Variants in UBE3D observed in about 807,000 individuals in gnomAD.
The protein encoded by UBE3D is ubiquitin protein ligase E3D.
A neutral mutation model predicts 49.6 loss-of-function variants in UBE3D; 48 were observed. That is an observed-to-expected ratio of 0.97 (90% confidence interval 0.77 to 1.23). The LOEUF (loss-of-function observed/expected upper bound fraction) is 1.23. UBE3D is among the 50% of genes most tolerant of loss of function. The pLI, the probability that UBE3D is intolerant of heterozygous loss-of-function variation, is 0.00. For synonymous variants in UBE3D, 189 were observed against 174.2 expected (o/e 1.08, Z -0.67); for missense variants, 452 against 468.4 (o/e 0.96, Z 0.32).
chr6:83,040,182 A>G (rs1001816438), intron 4 of UBE3D, among the ~76,000 whole-genome samples: 2 of 152,062 alleles, frequency 1.3e-5, no homozygotes, highest in Non-Finnish European at 2.9e-5. Flanking sequence ...CAGGAGTTTG[A>G]GACCAGCCTG....
intron 9 of UBE3D, among the ~76,000 whole-genome samples, chr6:82,919,922 T>C (rs1221913264): frequency 6.6e-6 from 1 of 152,102 alleles, no homozygotes; most frequent in African/African-American, 2.4e-5. Context: ...TGGGAAACAA[T>C]GTCACACAAG....
chr6:82,970,167 A>T (rs907984009), intron 8 of UBE3D, among the ~76,000 whole-genome samples: 2 of 149,796 alleles, frequency 1.3e-5, no homozygotes, highest in African/African-American at 2.4e-5. Context: ...AGAAAAATTG[A>T]TTATTTATTA....
chr6:83,053,969 G>C (rs1216764001), intron 3 of UBE3D, among the ~76,000 whole-genome samples, 179 bp downstream of exon 3: 7 of 152,122 alleles, frequency 4.6e-5, no homozygotes, highest in Non-Finnish European at 7.4e-5. Context: ...GTCCCTAAGA[G>C]CTAATCACTC....
At chr6:82,939,001 C>T (rs370478838) in intron 9 of UBE3D, among the ~76,000 whole-genome samples, 11 of 151,710 alleles carry the variant, frequency 7.3e-5, no homozygotes, top group African/African-American at 2.4e-4. Flanking sequence ...GAGCTACGAT[C>T]GTGCTACTAC....
In UBE3D at chr6:82,968,040, G is replaced by A. The variant is rs150279978; in HGVS notation, c.1011-10590C>T. 2.3e-3 allele frequency among the ~76,000 whole-genome samples: 347 copies of A among 151,980 alleles called. 4 individuals are homozygous for A. Among genetic ancestry groups the A allele is most frequent in the African/African-American group, 7.0e-3 (292 of 41,426 alleles). ...AGGACATTTGGGCTGATTCAGTTTG[G>A]GGCTATTATAAATAATAGCTACGAG... On this transcript the variant is annotated intron_variant, in intron 8 of 9. Coordinates refer to ENST00000369747, the MANE Select transcript of UBE3D (RefSeq NM_198920.3).
chr6:82,909,467 A>G (rs751475218), intron 9 of UBE3D, among the ~76,000 whole-genome samples: 3 of 152,184 alleles, frequency 2.0e-5, no homozygotes, highest in Non-Finnish European at 2.9e-5. Flanking sequence ...CATTCAAGAG[A>G]TATTATTCAG....
chr6:83,003,473 C>T (rs969016871), intron 8 of UBE3D, among the ~76,000 whole-genome samples: 7 of 152,008 alleles, frequency 4.6e-5, no homozygotes, highest in African/African-American at 7.2e-5. Flanking sequence ...GGATAGTATA[C>T]GAATTTCAAA....
chr6:83,059,668 C>T (rs975428715), intron 1 of UBE3D, among the ~76,000 whole-genome samples: 14 of 152,154 alleles, frequency 9.2e-5, no homozygotes, highest in Admixed American at 7.9e-4. Flanking sequence ...TTTTATAGGG[C>T]CAAGCAAGAG....
chr6:83,045,585 T>C (rs1334525424), intron 3 of UBE3D, among the ~76,000 whole-genome samples: 1 of 152,184 alleles, frequency 6.6e-6, no homozygotes, highest in African/African-American at 2.4e-5. Flanking sequence ...GGTTTACGTG[T>C]CTTAATGGTC....
At chr6:82,909,807 GACA>G (rs1772368028) in intron 9 of UBE3D, among the ~76,000 whole-genome samples, 1 of 152,128 alleles carries the variant, frequency 6.6e-6, no homozygotes, top group Admixed American at 6.6e-5. Flanking sequence ...TTGGAAACCT[GACA>G]ACATCGCACT....
intron 8 of UBE3D, among the ~76,000 whole-genome samples, chr6:82,957,764 T>C (rs1562121749): frequency 6.6e-6 from 1 of 152,156 alleles, no homozygotes; most frequent in Non-Finnish European, 1.5e-5. Context: ...ACACACTGAA[T>C]GCTTCCTACA....
At chr6:82,947,710 G>A (rs956188745) in intron 9 of UBE3D, among the ~76,000 whole-genome samples, 8 of 151,830 alleles carry the variant, frequency 5.3e-5, no homozygotes, top group South Asian at 2.1e-4. Context: ...TCAATAACAA[G>A]AGGAATTTTG....
intron 8 of UBE3D, among the ~76,000 whole-genome samples, chr6:82,985,260 T>C (rs1213561995): frequency 2.0e-5 from 3 of 152,154 alleles, no homozygotes. Context: ...TTACTACTTC[T>C]AGATTTTGAG....
At chr6:83,010,395 T>C (rs1254711990) in intron 8 of UBE3D, among the ~76,000 whole-genome samples, 1 of 152,114 alleles carries the variant, frequency 6.6e-6, no homozygotes, top group Admixed American at 6.6e-5. Context: ...TTTTAAACTA[T>C]CCAGCTGTAC....
intron 3 of UBE3D, chr6:83,049,567 A>G (rs932413233): frequency 7.2e-6 from 2 of 276,508 alleles, no homozygotes; most frequent in East Asian, 9.7e-5. Flanking sequence ...TCAGGTTACA[A>G]TTGTAGCTGG....
intron 8 of UBE3D, among the ~76,000 whole-genome samples, chr6:82,966,827 T>G (rs1776972621): frequency 6.6e-6 from 1 of 152,184 alleles, no homozygotes; most frequent in Non-Finnish European, 1.5e-5. Context: ...GGATGCTGAA[T>G]GCACTGATTT....
intron 1 of UBE3D, 84 bp from the exon 2 acceptor site, chr6:83,058,106 T>A: frequency 7.5e-7 from 1 of 1,337,736 alleles, no homozygotes; most frequent in South Asian, 1.3e-5. Flanking sequence ...GCCAAGGATC[T>A]CTTTCTTCCT....
intron 8 of UBE3D, among the ~76,000 whole-genome samples, chr6:82,971,962 T>G (rs891727535): frequency 6.6e-6 from 1 of 152,312 alleles, no homozygotes; most frequent in East Asian, 1.9e-4. Context: ...TCTCTTCATT[T>G]TTCACTTCAA....
At chr6:83,043,799 A>G (rs1782837584) in intron 4 of UBE3D, among the ~76,000 whole-genome samples, 1 of 152,204 alleles carries the variant, frequency 6.6e-6, no homozygotes, top group Non-Finnish European at 1.5e-5. Flanking sequence ...AGCCAATGCC[A>G]TTGATTTTCT....
Sources: allele counts gnomAD v4.1 joint callset (sites outside exome capture counted in the v4.1 genomes callset), GRCh38; gene constraint gnomAD v4.1.1; transcripts MANE v1.5; gene names NCBI Gene and HGNC (gene_info 2026-07-23, HGNC 2026-07-21).